The following RADIL variants were observed in gnomAD, a reference collection of about 807,000 sequenced individuals.
The protein encoded by RADIL is ras-associating and dilute domain-containing protein.
A neutral mutation model predicts 97.6 loss-of-function variants in RADIL; 99 were observed. The ratio of observed to expected loss-of-function variants is 1.01; its 90% CI spans 0.86 to 1.20. The LOEUF (loss-of-function observed/expected upper bound fraction) is 1.20, where lower values mean the gene tolerates loss of function less well. Among genes scored for constraint, RADIL ranks in the 50% most tolerant of loss-of-function variants. The probability of loss-of-function intolerance (pLI) is 0.00; values close to 1 mark genes in which losing one functional copy is unlikely to be tolerated. For missense variants in RADIL, 1,765 were observed against 1,498.9 expected (o/e 1.18, Z -2.93); for synonymous variants, 803 against 691.8 (o/e 1.16, Z -2.52).
At position 4,815,705 on chromosome 7, in the gene RADIL, C is replaced by T. The variant is rs574157385; in HGVS notation, c.1967-255G>A. On this transcript the variant is annotated intron_variant, in intron 8 of 14. Coordinates refer to ENST00000399583, the MANE Select transcript of RADIL (RefSeq NM_018059.5). The surrounding 1 kb of genome is among the most constrained non-coding windows in gnomAD (Gnocchi z 8.0). ...GACTGCCGCTGACTCCACAGTGCAG[C>T]CCCTAGCTGGGACCCTCTCCCACTC... is the stretch of plus-strand genomic sequence containing the variant. Among the ~76,000 whole-genome samples the T allele has an allele frequency of 6.6e-6, 1 of 152,274 alleles. No individual in the cohort carries two copies. Among genetic ancestry groups the T allele is most frequent in the African/African-American group, 2.4e-5 (1 of 41,560 alleles).
At chr7:4,876,164 T>G (rs984553127) in intron 2 of RADIL, among the ~76,000 whole-genome samples, 8 of 151,000 alleles carry the variant, frequency 5.3e-5, no homozygotes, top group African/African-American at 1.5e-4. Context: ...AATTTTTTTA[T>G]TTTTTGTAGA....
chr7:4,833,939 G>T (rs78048750), intron 4 of RADIL, among the ~76,000 whole-genome samples: 1 of 152,138 alleles, frequency 6.6e-6, no homozygotes, highest in Non-Finnish European at 1.5e-5. Flanking sequence ...GTGGCGGGGC[G>T]GCAGAGGGTG....
intron 9 of RADIL, chr7:4,809,741 G>A (rs924935831): frequency 4.6e-6 from 3 of 657,376 alleles, no homozygotes; most frequent in Non-Finnish European, 5.7e-6. Flanking sequence ...GGAGTGCAGT[G>A]GCGTGATCTC....
rs2115190361 is a variant in RADIL, at chr7:4,817,837, T to G, written c.1616-486A>C. 6.6e-6 allele frequency among the ~76,000 whole-genome samples: 1 copy of G among 152,126 alleles called. No homozygotes were observed. Among genetic ancestry groups the G allele is most frequent in the African/African-American group, 2.4e-5 (1 of 41,510 alleles). ...CAGCTATTTCACCCCCACCCCCGGG[T>G]GTCAGCCGGGGCGGCTGGAGCTGAG... On this transcript the variant is annotated intron_variant, in intron 6 of 14. Coordinates refer to ENST00000399583, the MANE Select transcript of RADIL (RefSeq NM_018059.5). This position sits in a 1 kb window ranked among gnomAD's most constrained non-coding sequence, Gnocchi z 8.3.
Position 4,883,587 on chromosome 7 carries a change from C to G in RADIL, c.-65+9G>C, listed in dbSNP as rs538914630. ...TTCCGCAGTCACTCCTCGCGCACCCCACACTCACCTCCGGCACAACCCGCC... is the reference window on the plus strand; with the variant it reads ...TTCCGCAGTCACTCCTCGCGCACCCGACACTCACCTCCGGCACAACCCGCC... On this transcript the variant is annotated intron_variant, in intron 1 of 14. Coordinates refer to ENST00000399583, the MANE Select transcript of RADIL (RefSeq NM_018059.5). The surrounding 1 kb of genome is among the most constrained non-coding windows in gnomAD (Gnocchi z 7.1). The G allele has an allele frequency of 6.6e-6, 1 of 152,190 alleles. No individual in the cohort carries two copies. The highest frequency in any genetic ancestry group is 1.5e-5 in the Non-Finnish European group (1 of 68,220). The allele number at this position is 152,190 out of a possible 1,614,324, so 9.4% of individuals were successfully genotyped here.
rs377390786 is a variant in RADIL at position 4,818,233 on chromosome 7, C to T, written c.1616-882G>A. Among the ~76,000 whole-genome samples the T allele has an allele frequency of 3.3e-5, 5 of 151,864 alleles. No individual in the cohort carries two copies. Among genetic ancestry groups the T allele is most frequent in the South Asian group, 4.1e-4 (2 of 4,836 alleles). On this transcript the variant is annotated intron_variant, in intron 6 of 14. Transcript: ENST00000399583. This position sits in a 1 kb window ranked among gnomAD's most constrained non-coding sequence, Gnocchi z 7.1. Reference sequence around the variant, plus strand: ...CCGCCTGCCAGGGCTGCATGGGCGGCGCCTGGTGAGCCAGGCCAACACTCA... The same window carrying T: ...CCGCCTGCCAGGGCTGCATGGGCGGTGCCTGGTGAGCCAGGCCAACACTCA...
At chr7:4,881,173 T>A in intron 1 of RADIL, among the ~76,000 whole-genome samples, 1 of 143,496 alleles carries the variant, frequency 7.0e-6, no homozygotes, top group Admixed American at 7.1e-5. Context: ...CCCAGCACTT[T>A]GGGAGGCTGA....
chr7:4,809,007 GACGCC>G (rs1782452721), intron 9 of RADIL: 2 of 591,562 alleles, frequency 3.4e-6, no homozygotes, highest in African/African-American at 1.5e-4. Flanking sequence ...GTCCCCTTCC[GACGCC>G]ACTGCCCCCC....
In RADIL at chr7:4,873,812, T is replaced by C. The variant is rs1344431433; in HGVS notation, c.535+3793A>G. On this transcript the variant is annotated intron_variant, in intron 2 of 14. Coordinates refer to ENST00000399583, the MANE Select transcript of RADIL (RefSeq NM_018059.5). The surrounding 1 kb of genome is among the most constrained non-coding windows in gnomAD (Gnocchi z 4.3). The stretch of plus-strand genomic sequence containing the variant: ...GCTCACCATCACCGGAGGTATGTAA[T>C]GGAGAGGACACGGTGGGTGTTAGGA... Among the ~76,000 whole-genome samples, 1 of 152,176 alleles carries C rather than the reference T, an allele frequency of 6.6e-6. No individual in the cohort carries two copies. Among genetic ancestry groups the C allele is most frequent in the Non-Finnish European group, 1.5e-5 (1 of 68,024 alleles).
At chr7:4,844,472 T>C (rs542440676) in intron 2 of RADIL, among the ~76,000 whole-genome samples, 10 of 152,206 alleles carry the variant, frequency 6.6e-5, no homozygotes, top group Non-Finnish European at 1.2e-4. Context: ...AAGAAAGAAG[T>C]TCAATTATCA....
intron 2 of RADIL, among the ~76,000 whole-genome samples, chr7:4,870,632 C>T (rs952930917): frequency 2.0e-5 from 3 of 152,040 alleles, no homozygotes; most frequent in Admixed American, 6.6e-5. Flanking sequence ...TTAGTAGAGA[C>T]GGGATTTCAC....
intron 2 of RADIL, chr7:4,861,405 C>T (rs1258725280): frequency 1.2e-6 from 2 of 1,614,184 alleles, no homozygotes; most frequent in Admixed American, 3.3e-5. Context: ...TTCAGTTTAG[C>T]ATAGAATGAG....
chr7:4,867,632 G>A lies in RADIL; in HGVS notation c.535+9973C>T, dbSNP rs188746067. On this transcript the variant is annotated intron_variant, in intron 2 of 14. Transcript: ENST00000399583. This position sits in a 1 kb window ranked among gnomAD's most constrained non-coding sequence, Gnocchi z 4.1. ...CTGTCTCTATTTTTAAAATAAATAA[G>A]TAAATAAATAAATAAATAAATAATG... Among the ~76,000 whole-genome samples the A allele has an allele frequency of 6.6e-6, 1 of 151,448 alleles. No individual in the cohort carries two copies. The highest frequency in any genetic ancestry group is 2.4e-5 in the African/African-American group (1 of 41,064).
chr7:4,827,647 C>T (rs1040295635), intron 5 of RADIL, among the ~76,000 whole-genome samples: 4 of 151,986 alleles, frequency 2.6e-5, no homozygotes, highest in Non-Finnish European at 4.4e-5. Context: ...GGGGACAGGG[C>T]GAGTCTCCAT....
intron 5 of RADIL, among the ~76,000 whole-genome samples, chr7:4,828,278 G>A (rs559845037): frequency 6.6e-6 from 1 of 152,368 alleles, no homozygotes; most frequent in East Asian, 1.9e-4. Context: ...GGCCAACATA[G>A]TGAAATTCCA....
chr7:4,860,504 G>T (rs1044445719), intron 2 of RADIL: 2 of 1,613,908 alleles, frequency 1.2e-6, no homozygotes, highest in African/African-American at 2.7e-5. Context: ...CACCCACATT[G>T]TACGAAATTC....
intron 2 of RADIL, chr7:4,861,862 G>GTCCCCCACC: frequency 3.1e-6 from 4 of 1,279,274 alleles, no homozygotes; most frequent in South Asian, 3.7e-5. Flanking sequence ...CGACCTTCGC[G>GTCCCCCACC]GCCGCCGCCC....
intron 2 of RADIL, among the ~76,000 whole-genome samples, chr7:4,871,866 G>A (rs1381680007): frequency 1.3e-5 from 2 of 152,182 alleles, no homozygotes; most frequent in South Asian, 2.1e-4. Flanking sequence ...CTGGGGTGGT[G>A]TTCCCAGGCT....
chr7:4,877,650 C>T lies in RADIL; in HGVS notation c.490G>A (p.Asp164Asn). Residue 164 changes from aspartate (D) to asparagine (N), a missense_variant, in exon 2 of 15, where the codon GAC (aspartate) becomes AAC (asparagine). Asp to Asn is a conservative substitution (Grantham distance 23). Coordinates refer to ENST00000399583, the MANE Select transcript of RADIL (RefSeq NM_018059.5). Reference protein sequence around the residue: ...SRRFELRKRSDVEELAAKEVD... With the variant: ...SRRFELRKRSNVEELAAKEVD... ...TCCTTGGCTGCCAGCTCCTCCACGT[C>T]CGACCTCTTCCTCAGCTCAAACCTC... 1 of 1,612,792 alleles carries T rather than the reference C, an allele frequency of 6.2e-7. No homozygotes were observed. The highest frequency in any genetic ancestry group is 1.1e-5 in the South Asian group (1 of 90,820).
Sources: gnomAD v4.1 joint callset for allele counts (sites outside exome capture counted in the v4.1 genomes callset) on GRCh38, gnomAD v4.1.1 for gene constraint, Gnocchi (gnomAD v3.1) non-coding constraint, MANE v1.5 for transcripts, NCBI Gene and HGNC (gene_info 2026-07-23, HGNC 2026-07-21) for gene names.